Variants in PXN observed in about 807,000 individuals in gnomAD.
The protein encoded by PXN is testicular tissue protein Li 134.
In PXN, 61 loss-of-function variants were observed where a neutral mutation model predicts 103.6. The ratio of observed to expected loss-of-function variants is 0.59; its 90% CI spans 0.48 to 0.73. The LOEUF is 0.73. Ranked by LOEUF, PXN falls within the 30% of genes least tolerant of loss-of-function variation. PXN has a pLI of 0.00. For missense variants in PXN, 1,274 were observed against 1,460.3 expected (o/e 0.87, Z 2.08); for synonymous variants, 562 against 607.8 (o/e 0.92, Z 1.11).
rs548850827 is a variant in PXN, at chr12:120,219,569, A to AG, written c.1353dup (p.Ser452LeufsTer79). ...TCTTGGAAGCTTCGAGCAGCTCCAG[A>AG]GGGGGGCATTCTCTCAGGCCCGAAT... On this transcript the variant is annotated frameshift_variant, in exon 7 of 15. Coordinates refer to ENST00000637617, the MANE Select transcript of PXN (RefSeq NM_001385981.1). LOFTEE classifies it high-confidence loss of function. The surrounding 1 kb of genome is among the most constrained non-coding windows in gnomAD (Gnocchi z 6.5). 3.2e-6 allele frequency: 5 copies of AG among 1,573,908 alleles called. No individual in the cohort carries two copies. Among genetic ancestry groups the AG allele is most frequent in the Non-Finnish European group, 8.6e-7 (1 of 1,167,582 alleles).
intron 1 of PXN, among the ~76,000 whole-genome samples, chr12:120,251,781 T>G (rs1368814429): frequency 1.3e-5 from 2 of 151,896 alleles, no homozygotes; most frequent in Non-Finnish European, 2.9e-5. Context: ...TGTGCCACTG[T>G]ACTCCAGCCT....
intron 1 of PXN, among the ~76,000 whole-genome samples, chr12:120,251,551 C>T (rs943667558): frequency 1.3e-5 from 2 of 151,946 alleles, no homozygotes; most frequent in African/African-American, 4.8e-5. Flanking sequence ...GCTGCGGTGG[C>T]TCACTCCTGT....
At position 120,214,106 on chromosome 12, in the gene PXN, G is replaced by A. The variant is rs745613009; in HGVS notation, c.2830+30C>T. 30 of 1,555,618 alleles carry A rather than the reference G, an allele frequency of 1.9e-5. No homozygotes were observed. In the East Asian group the frequency reaches 2.4e-4, roughly 13 times the overall value. On this transcript the variant is annotated intron_variant, in intron 13 of 14. Transcript: ENST00000637617. The surrounding 1 kb of genome is among the most constrained non-coding windows in gnomAD (Gnocchi z 5.0). ...CACCTCCCCGGCCCTCCTAAGAGGC[G>A]GTGGGTCAGTCCGCCGGTCCAGCCC...
intron 1 of PXN, among the ~76,000 whole-genome samples, chr12:120,256,601 G>A (rs536278557): frequency 6.6e-6 from 1 of 152,264 alleles, no homozygotes; most frequent in South Asian, 2.1e-4. Context: ...TGAGCAAATA[G>A]AGGCCATCCT....
chr12:120,216,737 C>G lies in PXN; in HGVS notation c.1992+104G>C, dbSNP rs1439033563. ...TCACAGGAGGCAAGAAACCCCCACC[C>G]TCTCCCCAGATCTCCCCTCCGGCCA... On this transcript the variant is annotated intron_variant, in intron 8 of 14. Coordinates refer to ENST00000637617, the MANE Select transcript of PXN (RefSeq NM_001385981.1). This position sits in a 1 kb window ranked among gnomAD's most constrained non-coding sequence, Gnocchi z 5.1. 1 of 1,595,080 alleles carries G rather than the reference C, an allele frequency of 6.3e-7. No homozygotes were observed.
intron 1 of PXN, among the ~76,000 whole-genome samples, chr12:120,244,603 G>C (rs943778350): frequency 6.7e-6 from 1 of 149,882 alleles, no homozygotes; most frequent in African/African-American, 2.5e-5. Context: ...AGCAGAGATC[G>C]CACCACTGCA....
At position 120,222,516 on chromosome 12, in the gene PXN, T is replaced by C; in HGVS notation, c.695+33A>G. 4 of 1,559,052 alleles carry C rather than the reference T, an allele frequency of 2.6e-6. No homozygotes were observed. Among genetic ancestry groups the C allele is most frequent in the Non-Finnish European group, 3.5e-6 (4 of 1,151,508 alleles). On this transcript the variant is annotated intron_variant, in intron 5 of 14. Coordinates refer to ENST00000637617, the MANE Select transcript of PXN (RefSeq NM_001385981.1). This position sits in a 1 kb window ranked among gnomAD's most constrained non-coding sequence, Gnocchi z 4.7. ...ACCCGGGGCAGGCTGGGCCAGCCCT[T>C]CCCCACCTGGGGAGGGCCCAGTGGG...
rs1885105818 is a variant in PXN at position 120,221,369 on chromosome 12, A to C, written c.831+254T>G. Among the ~76,000 whole-genome samples, 1 of 152,132 alleles carries C rather than the reference A, an allele frequency of 6.6e-6. No individual in the cohort carries two copies. The highest frequency in any genetic ancestry group is 1.5e-5 in the Non-Finnish European group (1 of 68,028). ...AGAGGCTGGGAGCACCCAGGGAGGA[A>C]GGAATGTCCCAGCTGAGCACTTCTC... On this transcript the variant is annotated intron_variant, in intron 6 of 14. Coordinates refer to ENST00000637617, the MANE Select transcript of PXN (RefSeq NM_001385981.1). The surrounding 1 kb of genome is among the most constrained non-coding windows in gnomAD (Gnocchi z 6.6).
rs1482696852 is a variant in PXN, at chr12:120,225,671, C to T, written c.14-1294G>A. Among the ~76,000 whole-genome samples, 4 of 152,186 alleles carry T rather than the reference C, an allele frequency of 2.6e-5. No homozygotes were observed. Among genetic ancestry groups the T allele is most frequent in the Non-Finnish European group, 5.9e-5 (4 of 68,034 alleles). Reference sequence around the variant, plus strand: ...CCCAAAAACCTGGCCTGTAAGAGGCCACTATGACTACCAGATGATGCCATA... The same window carrying T: ...CCCAAAAACCTGGCCTGTAAGAGGCTACTATGACTACCAGATGATGCCATA... On this transcript the variant is annotated intron_variant, in intron 1 of 14. Transcript: ENST00000637617. The surrounding 1 kb of genome is among the most constrained non-coding windows in gnomAD (Gnocchi z 4.4).
At chr12:120,252,869 G>T (rs1420549340) in intron 1 of PXN, among the ~76,000 whole-genome samples, 1 of 151,924 alleles carries the variant, frequency 6.6e-6, no homozygotes, top group African/African-American at 2.4e-5. Context: ...GTGGTGGCGG[G>T]CGCCTGTAAT....
chr12:120,212,896 T>A lies in PXN; in HGVS notation c.2980-316A>T. 3.9e-6 allele frequency: 1 copy of A among 259,100 alleles called. No homozygotes were observed. Among genetic ancestry groups the A allele is most frequent in the East Asian group, 8.4e-5 (1 of 11,934 alleles). 16.1% of individuals were successfully genotyped at this position (259,100 alleles called of 1,614,324 possible). A position where few individuals can be genotyped will look rare whatever the true frequency, so the allele number is the denominator to read the frequency against. On this transcript the variant is annotated intron_variant, in intron 14 of 14. Transcript: ENST00000637617. This position sits in a 1 kb window ranked among gnomAD's most constrained non-coding sequence, Gnocchi z 7.2. ...AGGGGAGGCAACTGAAGCACACAGG[T>A]GAAGTAACTTGCCCAGGGTCATGCA...
intron 7 of PXN, among the ~76,000 whole-genome samples, chr12:120,218,101 G>A (rs1883872802): frequency 6.9e-6 from 1 of 144,654 alleles, no homozygotes; most frequent in Non-Finnish European, 1.5e-5. Context: ...GCTGAATGCA[G>A]TGGTGCGATC....
Position 120,225,537 on chromosome 12 carries a change from C to T in PXN, c.14-1160G>A, listed in dbSNP as rs1377292037. On this transcript the variant is annotated intron_variant, in intron 1 of 14. Transcript: ENST00000637617. This position sits in a 1 kb window ranked among gnomAD's most constrained non-coding sequence, Gnocchi z 4.4. ...CCCTGTAGCTGGAAATGATTCTCCC[C>T]GAAGCGATGAGGAAAGCCGGGCTTG... 5 of 152,436 alleles carry T rather than the reference C, an allele frequency of 3.3e-5. No homozygotes were observed. Among genetic ancestry groups the T allele is most frequent in the East Asian group, 1.9e-4 (1 of 5,208 alleles). The allele number at this position is 152,436 out of a possible 1,614,324, so 9.4% of individuals were successfully genotyped here. A position where few individuals can be genotyped will look rare whatever the true frequency, so the allele number is the denominator to read the frequency against.
rs1891020088 is a variant in PXN at position 120,245,866 on chromosome 12, A to ACGGG, written c.13+19747_13+19750dup. Among the ~76,000 whole-genome samples, 8 of 152,274 alleles carry ACGGG rather than the reference A, an allele frequency of 5.3e-5. 1 individual carries two copies. The highest frequency in any genetic ancestry group is 5.2e-4 in the Admixed American group (8 of 15,284). Reference sequence around the variant, plus strand: ...AAACATAAAAGGTGGACTACATAGTACGGGTTTCATAATATATGTAGAAAT... The same window carrying ACGGG: ...AAACATAAAAGGTGGACTACATAGTACGGGCGGGTTTCATAATATATGTAGAAAT... On this transcript the variant is annotated intron_variant, in intron 1 of 14. Transcript: ENST00000637617.
intron 1 of PXN, among the ~76,000 whole-genome samples, chr12:120,234,544 C>G (rs2283364): frequency 0.2 from 30,234 of 152,078 alleles, 3,526 homozygotes; most frequent in East Asian, 0.57. Context: ...GGCTGGTCTG[C>G]TGTCGTTGGG....
chr12:120,264,800 G>A (rs1894423778), intron 1 of PXN, among the ~76,000 whole-genome samples: 1 of 152,158 alleles, frequency 6.6e-6, no homozygotes, highest in African/African-American at 2.4e-5. Flanking sequence ...CAGAATCTAG[G>A]GGTGGGGAGA....
rs1885008996 is a variant in PXN at position 120,221,091 on chromosome 12, C to A, written c.831+532G>T. ...AGACACGCTCGTGGGAACTCAGAGG[C>A]CCTGGAGGGCGAGAGGGAAGGATGG... is the stretch of plus-strand genomic sequence containing the variant. On this transcript the variant is annotated intron_variant, in intron 6 of 14. Coordinates refer to ENST00000637617, the MANE Select transcript of PXN (RefSeq NM_001385981.1). The surrounding 1 kb of genome is among the most constrained non-coding windows in gnomAD (Gnocchi z 6.6). 6.6e-6 allele frequency among the ~76,000 whole-genome samples: 1 copy of A among 152,084 alleles called. No homozygotes were observed. Among genetic ancestry groups the A allele is most frequent in the Non-Finnish European group, 1.5e-5 (1 of 68,026 alleles).
chr12:120,215,910 G>C lies in PXN; in HGVS notation c.2302-249C>G. 7.2e-7 allele frequency: 1 copy of C among 1,394,740 alleles called. No individual in the cohort carries two copies. Among genetic ancestry groups the C allele is most frequent in the Non-Finnish European group, 9.3e-7 (1 of 1,073,808 alleles). 86.4% of individuals were successfully genotyped at this position (1,394,740 alleles called of 1,614,324 possible). On this transcript the variant is annotated intron_variant, in intron 9 of 14. Transcript: ENST00000637617. This position sits in a 1 kb window ranked among gnomAD's most constrained non-coding sequence, Gnocchi z 4.9. ...GGAAATGGCAAGGGGAGGTGGCCGGGCTCAGTGATGAGGCCTCACCGGGCG... is the reference window on the plus strand; with the variant it reads ...GGAAATGGCAAGGGGAGGTGGCCGGCCTCAGTGATGAGGCCTCACCGGGCG...
At chr12:120,233,673 C>T (rs1888491795) in intron 1 of PXN, among the ~76,000 whole-genome samples, 1 of 152,088 alleles carries the variant, frequency 6.6e-6, no homozygotes, top group African/African-American at 2.4e-5. Context: ...TAATACTCAC[C>T]CACTGTTGCC....
Sources: gnomAD v4.1 joint callset for allele counts (sites outside exome capture counted in the v4.1 genomes callset) on GRCh38, gnomAD v4.1.1 for gene constraint, Gnocchi (gnomAD v3.1) non-coding constraint, MANE v1.5 for transcripts, NCBI Gene and HGNC (gene_info 2026-07-23, HGNC 2026-07-21) for gene names.